The following UNC13B variants were observed in gnomAD, a reference collection of about 807,000 sequenced individuals.
UNC13B encodes protein unc-13 homolog B.
UNC13B carries 144 observed loss-of-function variants against 211.0 expected under a neutral mutation model. The observed-to-expected ratio is 0.68, with a 90% CI of 0.60 to 0.78. UNC13B has a LOEUF of 0.78. Ranked by LOEUF, UNC13B falls within the 30% of genes least tolerant of loss-of-function variation. UNC13B has a pLI of 0.00. For synonymous variants in UNC13B, 709 were observed against 725.8 expected (o/e 0.98, Z 0.37); for missense variants, 1,777 against 2,002.0 (o/e 0.89, Z 2.14).
chr9:35,353,892 G>C, intron 11 of UNC13B: 1 of 904,636 alleles, frequency 1.1e-6, no homozygotes, highest in East Asian at 3.3e-5. Flanking sequence ...TGGTGTGGTG[G>C]CCAGTTTAAT....
At chr9:35,162,871 A>ATTTATT (rs1298876641) in intron 1 of UNC13B, among the ~76,000 whole-genome samples, 1 of 152,010 alleles carries the variant, frequency 6.6e-6, no homozygotes, top group African/African-American at 2.4e-5. Flanking sequence ...AAGAGGTATG[A>ATTTATT]TTTATTTTTA....
rs1057261472 is a variant in UNC13B at position 35,301,067 on chromosome 9, A to G, written c.1663A>G (p.Thr555Ala). 2 of 398,818 alleles carry G rather than the reference A, an allele frequency of 5.0e-6. No homozygotes were observed. Among genetic ancestry groups the G allele is most frequent in the African/African-American group, 4.1e-5 (2 of 48,618 alleles). The allele number at this position is 398,818 out of a possible 1,614,324, so 24.7% of individuals were successfully genotyped here. The change falls in exon 9 of 40, where the codon ACA becomes GCA. Residue 555 changes from threonine (T) to alanine (A), a missense_variant. Thr to Ala is a moderately conservative substitution (Grantham distance 58). Transcript: ENST00000635942. ...AGTGGGTTCAGGCACAAAGCATCTA[A>G]CAAACTCTGTGGAAAAGTTGGTTTC... The part of the protein sequence containing the change: ...EKVGSGTKHL[T>A]NSVEKLVSLV...
chr9:35,330,823 G>A (rs1299724731), intron 11 of UNC13B, among the ~76,000 whole-genome samples: 5 of 152,162 alleles, frequency 3.3e-5, no homozygotes, highest in African/African-American at 1.2e-4. Context: ...TGGGGCAGTG[G>A]ATCATTTGGA....
intron 29 of UNC13B, 29 bp downstream of exon 29, chr9:35,397,339 C>A (rs375530873): frequency 2.5e-6 from 4 of 1,609,570 alleles, no homozygotes; most frequent in Admixed American, 1.7e-5. Context: ...ACTCCCTCCC[C>A]CTTACCACCA....
chr9:35,199,519 T>C (rs1823153791), intron 1 of UNC13B, among the ~76,000 whole-genome samples: 1 of 152,200 alleles, frequency 6.6e-6, no homozygotes. Flanking sequence ...TTCCTGACTT[T>C]TTAATGATTG....
intron 11 of UNC13B, among the ~76,000 whole-genome samples, chr9:35,314,937 G>A (rs1369143767): frequency 7.5e-6 from 1 of 133,566 alleles, no homozygotes; most frequent in African/African-American, 2.9e-5. Context: ...CAGCTGGAGT[G>A]CAGTGGTGTG....
chr9:35,380,373 A>T, intron 17 of UNC13B, 97 bp from the exon 18 acceptor site: 1 of 1,340,030 alleles, frequency 7.5e-7, no homozygotes. Context: ...TCAGGGCCTC[A>T]AGTGCAGCTG....
At chr9:35,374,185 G>T (rs1232967782) in intron 13 of UNC13B, among the ~76,000 whole-genome samples, 2 of 3,028 alleles carry the variant, frequency 6.6e-4, no homozygotes, top group Non-Finnish European at 6.5e-4. Flanking sequence ...TAACTCTCTG[G>T]GCTTGGCAGA....
intron 1 of UNC13B, among the ~76,000 whole-genome samples, chr9:35,203,484 C>T (rs1417468234): frequency 6.6e-6 from 1 of 152,106 alleles, no homozygotes. Context: ...GAATATTGGC[C>T]CCCCACTCTC....
intron 22 of UNC13B, chr9:35,384,633 A>T (rs1157609407): frequency 1.0e-6 from 1 of 985,430 alleles, no homozygotes; most frequent in East Asian, 1.1e-4. Context: ...GTATCCTTTT[A>T]AAAAATTAGA....
At chr9:35,393,868 G>A (rs990250575) in intron 26 of UNC13B, among the ~76,000 whole-genome samples, 16 of 152,104 alleles carry the variant, frequency 1.1e-4, no homozygotes, top group Non-Finnish European at 1.9e-4. Flanking sequence ...AATGCATCCA[G>A]CTGACTTTTG....
At chr9:35,171,182 A>C (rs1394783523) in intron 1 of UNC13B, among the ~76,000 whole-genome samples, 1 of 151,116 alleles carries the variant, frequency 6.6e-6, no homozygotes, top group Non-Finnish European at 1.5e-5. Flanking sequence ...GCCCACTGTA[A>C]CCTCCATCTC....
chr9:35,190,158 G>T (rs1360386343), intron 1 of UNC13B, among the ~76,000 whole-genome samples: 1 of 152,226 alleles, frequency 6.6e-6, no homozygotes, highest in Non-Finnish European at 1.5e-5. Flanking sequence ...TGGAAGAAGA[G>T]AGTGCAGTGC....
chr9:35,262,196 C>T (rs1339119597), intron 7 of UNC13B, among the ~76,000 whole-genome samples: 2 of 152,064 alleles, frequency 1.3e-5, no homozygotes, highest in African/African-American at 4.8e-5. Flanking sequence ...ACCTTCTTTC[C>T]TTCATTCCTT....
chr9:35,351,690 G>T (rs1832731347), intron 11 of UNC13B: 1 of 1,232,270 alleles, frequency 8.1e-7, no homozygotes, highest in South Asian at 4.1e-5. Flanking sequence ...CTGCCCCCTT[G>T]CTGTGGGTCA....
chr9:35,245,761 T>C lies in UNC13B; in HGVS notation c.468+2397T>C, dbSNP rs1297247203. On this transcript the variant is annotated intron_variant, in intron 6 of 39. Transcript: ENST00000635942. ...AATCCAGTCTATCATTGTTGGACAT[T>C]TGGGTTGGTTCCAGGTCTTTGCTAT... Among the ~76,000 whole-genome samples, 5 of 152,136 alleles carry C rather than the reference T, an allele frequency of 3.3e-5. No homozygotes were observed. In the South Asian group the frequency reaches 1.0e-3, roughly 32 times the overall value.
At chr9:35,310,333 G>C in intron 9 of UNC13B, 134 bp from the exon 10 acceptor site, 1 of 896,372 alleles carries the variant, frequency 1.1e-6, no homozygotes, top group Non-Finnish European at 1.7e-6. Context: ...TATGAAGTTT[G>C]GTCCTCTCTT....
intron 1 of UNC13B, among the ~76,000 whole-genome samples, chr9:35,220,536 T>G (rs1347753278): frequency 6.6e-6 from 1 of 152,170 alleles, no homozygotes; most frequent in Non-Finnish European, 1.5e-5. Flanking sequence ...ATGTGAAGTT[T>G]GTCTTTCTGT....
chr9:35,323,486 G>C (rs1203414831), intron 11 of UNC13B, among the ~76,000 whole-genome samples: 1 of 152,012 alleles, frequency 6.6e-6, no homozygotes, highest in African/African-American at 2.4e-5. Context: ...CAAACTTCAT[G>C]GTAAGCCCTA....
Sources: gnomAD v4.1 joint callset for allele counts (sites outside exome capture counted in the v4.1 genomes callset) on GRCh38, gnomAD v4.1.1 for gene constraint, MANE v1.5 for transcripts, NCBI Gene and HGNC (gene_info 2026-07-23, HGNC 2026-07-21) for gene names.